TTN: variants seen among roughly 807,000 people sequenced by gnomAD.
The protein encoded by TTN is connectin.
Under a neutral mutation model 3,223.0 loss-of-function variants are expected in TTN, and 1,525 were observed. The observed-to-expected ratio is 0.47, with a 90% CI of 0.45 to 0.49. TTN has a LOEUF of 0.49. Ranked by LOEUF, TTN falls within the 20% of genes least tolerant of loss-of-function variation. TTN has a pLI of 0.00. For synonymous variants in TTN, 14,094 were observed against 15,161.0 expected, an observed-to-expected ratio of 0.93 and a Z score of 5.17; for missense variants, 40,786 against 43,424.0, an observed-to-expected ratio of 0.94 and a Z score of 5.40.
chr2:178,710,710 C>T lies in TTN; in HGVS notation c.28387G>A (p.Asp9463Asn), dbSNP rs769166539. The T allele has an allele frequency of 6.2e-7, 1 of 1,613,628 alleles. No individual in the cohort carries two copies. The highest frequency in any genetic ancestry group is 1.3e-5 in the African/African-American group (1 of 74,926). The change falls in exon 98 of 363, where the codon GAT becomes AAT. Residue 9463 changes from aspartate (D) to asparagine (N), a missense_variant. By Grantham distance (23) the Asp-to-Asn change is conservative (BLOSUM62 1). Transcript: ENST00000589042. ...HLTVLKVDKG[D>N]SGQYTCYAVN... ...GCATAGCAGGTATATTGTCCAGAAT[C>T]TCCTTTGTCTACTTTGAGGACTGTC...
In TTN at chr2:178,593,852, G is replaced by C. The variant is rs1329556229; in HGVS notation, c.58448C>G (p.Pro19483Arg). The stretch of plus-strand genomic sequence containing the variant: ...CTCATCAAAACTAACTGGTCCTACT[G>C]GTGGTCCAGGACGGTCTGCAGAAAA... ...QVNVVDRPGPPVGPVSFDEVT... is the reference protein window; with the variant it reads ...QVNVVDRPGPRVGPVSFDEVT... Residue 19483 changes from proline to arginine, a missense_variant, in exon 298 of 363, where the codon CCA (proline) becomes CGA (arginine). Transcript: ENST00000589042. 1.9e-6 allele frequency: 3 copies of C among 1,612,550 alleles called. No homozygotes were observed. The South Asian group carries it at 3.3e-5, about 18-fold the overall frequency.
At chr2:178,773,781 T>C in intron 31 of TTN, 56 bp from the exon 32 acceptor site, 1 of 1,614,054 alleles carries the variant, frequency 6.2e-7, no homozygotes, top group Non-Finnish European at 8.5e-7. Context: ...GTCTGCTCCT[T>C]GAAGTTCTTT....
chr2:178,781,905 AGTGTGTGTGTGT>A (rs139001573), intron 20 of TTN, among the ~76,000 whole-genome samples: 1 of 149,758 alleles, frequency 6.7e-6, no homozygotes, highest in Non-Finnish European at 1.5e-5. Context: ...CTTTTCTGGA[AGTGTGTGTGTGT>A]GTGTGTGTGT....
Position 178,725,899 on chromosome 2 carries a change from T to G in TTN, c.20423A>C (p.Lys6808Thr). The G allele has an allele frequency of 1.2e-6, 2 of 1,613,214 alleles. No individual in the cohort carries two copies. Among genetic ancestry groups the G allele is most frequent in the South Asian group, 1.1e-5 (1 of 91,032 alleles). ...KRQLRSSKKYKIASKNFHTSI... is the reference protein window; with the variant it reads ...KRQLRSSKKYTIASKNFHTSI... ...TGTGTGGAAGTTTTTGGATGCAATC[T>G]TGTATTTCTTGCTGCTTCTGAGTTG... is the stretch of plus-strand genomic sequence containing the variant. The change falls in exon 70 of 363, where the codon AAG becomes ACG. Residue 6808 changes from lysine (K) to threonine (T), a missense_variant. Lys to Thr is a moderately conservative substitution (Grantham distance 78). Coordinates refer to ENST00000589042, the MANE Select transcript of TTN (RefSeq NM_001267550.2).
At chr2:178,653,008 A>G (rs1417524735) in intron 199 of TTN, 33 bp downstream of exon 199, 1 of 1,604,586 alleles carries the variant, frequency 6.2e-7, no homozygotes, top group African/African-American at 1.4e-5. Flanking sequence ...TGAAGAGTTC[A>G]GTCTTCTGAA....
intron 45 of TTN, among the ~76,000 whole-genome samples, chr2:178,757,230 A>ACTTGCTG (rs1227467101): frequency 6.1e-5 from 1 of 16,360 alleles, no homozygotes; most frequent in Non-Finnish European, 1.4e-4. Context: ...GTAAGTAATA[A>ACTTGCTG]TCAGCAAATA....
At position 178,712,216 on chromosome 2, in the gene TTN, G is replaced by A. The variant is rs758238716; in HGVS notation, c.27614C>T (p.Pro9205Leu). The change falls in exon 96 of 363, where the codon CCG (proline) becomes CTG (leucine). Residue 9205 changes from proline to leucine, a missense_variant. By Grantham distance (98) the Pro-to-Leu change is moderately conservative (BLOSUM62 -3). Transcript: ENST00000589042. ...CSAQILILEPPYFVKQLEPVK... is the reference protein window; with the variant it reads ...CSAQILILEPLYFVKQLEPVK... ...CGGCTCCAACTGCTTGACAAAATAC[G>A]GTGGTTCTGCAGCCAAGAGAGATAA... 2.5e-6 allele frequency: 4 copies of A among 1,612,576 alleles called. No individual in the cohort carries two copies. The highest frequency in any genetic ancestry group is 1.7e-6 in the Non-Finnish European group (2 of 1,179,064).
Position 178,536,953 on chromosome 2 carries a change from TGATCACAACTGAG to T in TTN, c.100143_100155del (p.Ser33382LeufsTer57). 6.2e-7 allele frequency: 1 copy of T among 1,608,496 alleles called. No individual in the cohort carries two copies. Among genetic ancestry groups the T allele is most frequent in the Non-Finnish European group, 8.5e-7 (1 of 1,176,050 alleles). On this transcript the variant is annotated frameshift_variant, in exon 356 of 363. Transcript: ENST00000589042. LOFTEE classifies it high-confidence loss of function. The stretch of plus-strand genomic sequence containing the variant: ...TTGTACTCACCAAATGGACTCTTAA[TGATCACAACTGAG>T]GACACTTCTAGAGGGTCACTGATGC...
rs370968669 is a variant in TTN at position 178,680,047 on chromosome 2, C to A, written c.33427G>T (p.Val11143Leu). Reference sequence around the variant, plus strand: ...TCTTCTGGTTCAAGTTCTTTAGGCACTTCTGGCACTTTAAAGATATTATCT... The same window carrying A: ...TCTTCTGGTTCAAGTTCTTTAGGCAATTCTGGCACTTTAAAGATATTATCT... ...EVAPPVRVPE[V>L]PKELEPEEVA... The change falls in exon 140 of 363, where the codon GTG (valine) becomes TTG (leucine). Residue 11143 changes from valine (V) to leucine (L), a missense_variant. By Grantham distance (32) the Val-to-Leu change is conservative. Transcript: ENST00000589042. The A allele has an allele frequency of 4.3e-6, 7 of 1,612,342 alleles. No individual in the cohort carries two copies. The highest frequency in any genetic ancestry group is 1.3e-5 in the African/African-American group (1 of 74,738).
chr2:178,622,571 G>C, intron 243 of TTN, 99 bp downstream of exon 243: 1 of 867,784 alleles, frequency 1.2e-6, no homozygotes, highest in Non-Finnish European at 1.8e-6. Context: ...GTGGTGACCA[G>C]AGAAGTTGTG....
Position 178,592,148 on chromosome 2 carries a change from A to G in TTN, c.59756T>C (p.Val19919Ala). The G allele has an allele frequency of 1.9e-6, 3 of 1,612,916 alleles. No individual in the cohort carries two copies. Among genetic ancestry groups the G allele is most frequent in the Non-Finnish European group, 2.5e-6 (3 of 1,179,484 alleles). Residue 19919 changes from valine to alanine, a missense_variant, in exon 302 of 363, where the codon GTT becomes GCT. By Grantham distance (64) the Val-to-Ala change is moderately conservative. Transcript: ENST00000589042. ...GAGAGGTGACCACTGGGCGCTGGCA[A>G]CATCTCTCCTCTCAACCACATAATT... Reference protein sequence around the residue: ...ITNYVVERRDVASAQWSPLSA... With the variant: ...ITNYVVERRDAASAQWSPLSA...
At position 178,779,063 on chromosome 2, in the gene TTN, T is replaced by C. The variant is rs780035210; in HGVS notation, c.4019A>G (p.Asp1340Gly). The change falls in exon 24 of 363, where the codon GAC (aspartate) becomes GGC (glycine). Residue 1340 changes from aspartate (D) to glycine (G), a missense_variant. Transcript: ENST00000589042. ...ACTAGCTCTGCCATCTTGTAGAAAG[T>C]CCATTTGGTATCTTTCTCCATGTTT... ...RIKHGERYQM[D>G]FLQDGRASLR... The C allele has an allele frequency of 1.1e-5, 17 of 1,613,888 alleles. No individual in the cohort carries two copies. Among genetic ancestry groups the C allele is most frequent in the Non-Finnish European group, 1.4e-5 (17 of 1,179,972 alleles).
chr2:178,576,729 G>T lies in TTN; in HGVS notation c.69515C>A (p.Thr23172Lys), dbSNP rs752643010. The change falls in exon 325 of 363, where the codon ACA becomes AAA. Residue 23172 changes from threonine to lysine, a missense_variant. Transcript: ENST00000589042. This position sits in a 1 kb window ranked among gnomAD's most constrained non-coding sequence, Gnocchi z 4.3. ...TTCTCTCCTTTCTACATGATATCCT[G>T]TAATTTCGCTGCCACCATCATCCAC... ...RPVDDGGSEI[T>K]GYHVERREKK... The T allele has an allele frequency of 1.9e-5, 30 of 1,613,458 alleles. No homozygotes were observed. In the South Asian group the frequency reaches 3.1e-4, roughly 17 times the overall value.
chr2:178,634,503 T>C lies in TTN; in HGVS notation c.42278A>G (p.Lys14093Arg), dbSNP rs1553743733. The C allele has an allele frequency of 6.2e-7, 1 of 1,613,332 alleles. No individual in the cohort carries two copies. The highest frequency in any genetic ancestry group is 8.5e-7 in the Non-Finnish European group (1 of 1,179,520). The change falls in exon 230 of 363, where the codon AAG becomes AGG. Residue 14093 changes from lysine to arginine, a missense_variant. By Grantham distance (26) the Lys-to-Arg change is conservative. Transcript: ENST00000589042. The surrounding 1 kb of genome is among the most constrained non-coding windows in gnomAD (Gnocchi z 4.6). Reference sequence around the variant, plus strand: ...GATGATATCAAATTTGTCAGATGACTTAATTATATCAGGTCCTTTGGACCA... The same window carrying C: ...GATGATATCAAATTTGTCAGATGACCTAATTATATCAGGTCCTTTGGACCA... ...VIWSKGPDII[K>R]SSDKFDIIAD...
At position 178,580,384 on chromosome 2, in the gene TTN, T is replaced by C. The variant is rs1481543528; in HGVS notation, c.66995A>G (p.Tyr22332Cys). The change falls in exon 317 of 363, where the codon TAT becomes TGT. Residue 22332 changes from tyrosine to cysteine, a missense_variant. By Grantham distance (194) the Tyr-to-Cys change is radical. Transcript: ENST00000589042. Reference sequence around the variant, plus strand: ...ACAGCTGTTCTCCAGGGTTAAGATATATTTTCCTGCATCATATTTGTTCAC... The same window carrying C: ...ACAGCTGTTCTCCAGGGTTAAGATACATTTTCCTGCATCATATTTGTTCAC... ...ENVNKYDAGK[Y>C]ILTLENSCGK... 6.2e-7 allele frequency: 1 copy of C among 1,613,290 alleles called. No homozygotes were observed. Among genetic ancestry groups the C allele is most frequent in the Non-Finnish European group, 8.5e-7 (1 of 1,179,444 alleles).
Position 178,704,509 on chromosome 2 carries a change from CCAATTA to C in TTN, c.29957_29962del (p.Val9986_Ile9987del). On this transcript the variant is annotated inframe_deletion and splice_region_variant, in exon 105 of 363. Coordinates refer to ENST00000589042, the MANE Select transcript of TTN (RefSeq NM_001267550.2). ...TATTTCATAAGCCTTTTCTAACTTA[CCAATTA>C]CAGTTAGTTTAGCGCTAGCGATGTG... The C allele has an allele frequency of 1.2e-6, 2 of 1,602,594 alleles. No homozygotes were observed. Among genetic ancestry groups the C allele is most frequent in the Non-Finnish European group, 1.7e-6 (2 of 1,173,860 alleles).
Position 178,781,201 on chromosome 2 carries a change from G to A in TTN, c.3443C>T (p.Ala1148Val). 1 of 1,614,024 alleles carries A rather than the reference G, an allele frequency of 6.2e-7. No homozygotes were observed. Among genetic ancestry groups the A allele is most frequent in the South Asian group, 1.1e-5 (1 of 91,082 alleles). ...ECKLVISMTF[A>V]DDAGEYTIVV... ...AATAGTGTATTCTCCAGCATCATCAGCAAAAGTCATAGAAATCACCAGCTT... is the reference window on the plus strand; with the variant it reads ...AATAGTGTATTCTCCAGCATCATCAACAAAAGTCATAGAAATCACCAGCTT... Residue 1148 changes from alanine to valine, a missense_variant, in exon 21 of 363, where the codon GCT (alanine) becomes GTT (valine). By Grantham distance (64) the Ala-to-Val change is moderately conservative (BLOSUM62 0). Transcript: ENST00000589042.
intron 151 of TTN, 76 bp downstream of exon 151, chr2:178,674,238 A>T: frequency 1.2e-6 from 1 of 832,800 alleles, no homozygotes; most frequent in Admixed American, 2.1e-5. Flanking sequence ...CATACTGGTG[A>T]ATCTTAGATT....
At position 178,607,997 on chromosome 2, in the gene TTN, C is replaced by A. The variant is rs1205224939; in HGVS notation, c.52790G>T (p.Gly17597Val). 1 of 1,612,932 alleles carries A rather than the reference C, an allele frequency of 6.2e-7. No homozygotes were observed. The stretch of plus-strand genomic sequence containing the variant: ...AAAATAGCCAACAATTTCCCCACCA[C>A]CATTGAAAGCTGGGGGTTCCCATTC... Reference protein sequence around the residue: ...ELEWEPPAFNGGGEIVGYFVD... With the variant: ...ELEWEPPAFNVGGEIVGYFVD... Residue 17597 changes from glycine to valine, a missense_variant, in exon 276 of 363, where the codon GGT becomes GTT. By Grantham distance (109) the Gly-to-Val change is moderately radical. Transcript: ENST00000589042.
Sources: gnomAD v4.1 joint callset for allele counts (sites outside exome capture counted in the v4.1 genomes callset) on GRCh38, gnomAD v4.1.1 for gene constraint, Gnocchi (gnomAD v3.1) non-coding constraint, MANE v1.5 for transcripts, NCBI Gene and HGNC (gene_info 2026-07-23, HGNC 2026-07-21) for gene names.